LRRC18: variants seen among roughly 807,000 people sequenced by gnomAD.
LRRC18 encodes the protein leucine-rich repeat-containing protein 18.
A neutral mutation model predicts 11.2 loss-of-function variants in LRRC18; 12 were observed. The ratio of observed to expected loss-of-function variants is 1.07; its 90% CI spans 0.69 to 1.74. LRRC18 has a LOEUF of 1.74. Ranked by LOEUF, LRRC18 falls within the 40% of genes most tolerant of loss-of-function variation. The pLI is 0.00. For missense variants in LRRC18, 374 were observed against 330.5 expected (o/e 1.13, Z -1.02); for synonymous variants, 155 against 130.6 (o/e 1.19, Z -1.27).
At chr10:48,920,867 T>C in the LRRC18 span, among the ~76,000 whole-genome samples, 2 of 152,332 alleles carry the variant, frequency 1.3e-5, no homozygotes, top group African/African-American at 4.8e-5. Context: ...TTACTAGCTA[T>C]TAACAATTGG....
the LRRC18 span, among the ~76,000 whole-genome samples, chr10:48,924,425 A>C: frequency 6.6e-6 from 1 of 152,244 alleles, no homozygotes; most frequent in African/African-American, 2.4e-5. Flanking sequence ...TAAGAGTGGG[A>C]TCAACCCACA....
At chr10:48,923,611 G>A in the LRRC18 span, among the ~76,000 whole-genome samples, 2 of 151,352 alleles carry the variant, frequency 1.3e-5, no homozygotes, top group Admixed American at 1.3e-4. Flanking sequence ...CATTATTAGT[G>A]CTTACTCATG....
At chr10:48,913,869 G>T in exon 1 of LRRC18, 1 of 1,614,120 alleles carries the variant, frequency 6.2e-7, no homozygotes, top group Non-Finnish European at 8.5e-7. Context: ...GAGCAGGCTG[G>T]TCATCTGGCC....
the LRRC18 span, among the ~76,000 whole-genome samples, chr10:48,930,944 G>T: frequency 6.6e-6 from 1 of 152,112 alleles, no homozygotes; most frequent in African/African-American, 2.4e-5. Flanking sequence ...AAGAATATCA[G>T]CAACACTGCT....
At chr10:48,913,313 G>A (rs775852896) in intron 1 of LRRC18, 79 bp downstream of exon 3, 150 of 1,382,664 alleles carry the variant, frequency 1.1e-4, no homozygotes, top group Middle Eastern at 6.3e-4. Flanking sequence ...GGAGCCCTTG[G>A]TTTCCTGTGG....
At chr10:48,928,428 T>C in the LRRC18 span, among the ~76,000 whole-genome samples, 1 of 148,440 alleles carries the variant, frequency 6.7e-6, no homozygotes, top group Non-Finnish European at 1.5e-5. Context: ...GGCAGCAGCA[T>C]GGATGGGACC....
At chr10:48,926,204 A>T in the LRRC18 span, among the ~76,000 whole-genome samples, 1 of 152,192 alleles carries the variant, frequency 6.6e-6, no homozygotes, top group African/African-American at 2.4e-5. Flanking sequence ...AGGCTGAAAG[A>T]CACACCCACT....
upstream of LRRC18, among the ~76,000 whole-genome samples, chr10:48,915,809 G>A (rs1838472846): frequency 6.6e-6 from 1 of 152,130 alleles, no homozygotes; most frequent in Non-Finnish European, 1.5e-5. Flanking sequence ...CTTAGCTCTT[G>A]GCAGCATTGA....
At chr10:48,912,272 A>T (rs1049877367) in intron 1 of LRRC18, among the ~76,000 whole-genome samples, 9 of 152,254 alleles carry the variant, frequency 5.9e-5, no homozygotes, top group African/African-American at 2.2e-4. Context: ...GTTCTGGAAG[A>T]AAACTGGCTT....
chr10:48,925,409 C>A, the LRRC18 span, among the ~76,000 whole-genome samples: 6 of 152,218 alleles, frequency 3.9e-5, no homozygotes, highest in Admixed American at 6.5e-5. Flanking sequence ...CCGCTGAAAT[C>A]AGCACTAACT....
chr10:48,931,096 AACAC>A, the LRRC18 span, among the ~76,000 whole-genome samples: 75 of 150,362 alleles, frequency 5.0e-4, no homozygotes, highest in African/African-American at 1.6e-3. Context: ...CTCACACTCA[AACAC>A]ACACACACAC....
the LRRC18 span, among the ~76,000 whole-genome samples, chr10:48,938,161 A>G: frequency 6.6e-6 from 1 of 152,116 alleles, no homozygotes; most frequent in Admixed American, 6.5e-5. Flanking sequence ...TCACTAACCC[A>G]TTTTACCATG....
the LRRC18 span, among the ~76,000 whole-genome samples, chr10:48,930,803 T>C: frequency 6.6e-6 from 1 of 151,956 alleles, no homozygotes; most frequent in African/African-American, 2.4e-5. Context: ...AAAAAAATTA[T>C]TTCCCAAAAA....
the LRRC18 span, among the ~76,000 whole-genome samples, chr10:48,937,067 T>C: frequency 4.6e-5 from 7 of 151,928 alleles, no homozygotes; most frequent in Non-Finnish European, 8.8e-5. Flanking sequence ...CTAATTTTTG[T>C]ATTTTTAGTA....
chr10:48,926,124 T>G, the LRRC18 span, among the ~76,000 whole-genome samples: 1 of 152,206 alleles, frequency 6.6e-6, no homozygotes, highest in African/African-American at 2.4e-5. Context: ...AAATGCCTCA[T>G]CCTGGGGATA....
chr10:48,910,244 G>T (rs773905207), exon 2 of LRRC18: 2 of 1,609,294 alleles, frequency 1.2e-6, no homozygotes, highest in East Asian at 2.2e-5. Context: ...ACTCTAGGAA[G>T]ATGTCAAGCG....
the LRRC18 span, among the ~76,000 whole-genome samples, chr10:48,920,728 C>T: frequency 6.6e-6 from 1 of 152,118 alleles, no homozygotes; most frequent in South Asian, 2.1e-4. Context: ...TGTTCTTATG[C>T]ACAGATGTCA....
chr10:48,927,923 G>A, the LRRC18 span, among the ~76,000 whole-genome samples: 41 of 152,308 alleles, frequency 2.7e-4, no homozygotes, highest in Middle Eastern at 6.8e-3. Context: ...TAGTTTAACA[G>A]ACTAGAAATG....
the LRRC18 span, among the ~76,000 whole-genome samples, chr10:48,933,096 G>T: frequency 6.6e-6 from 1 of 152,146 alleles, no homozygotes; most frequent in African/African-American, 2.4e-5. Context: ...GGGAGTCTGT[G>T]CTGAAGGGCA....
Sources: gnomAD v4.1 joint callset for allele counts (sites outside exome capture counted in the v4.1 genomes callset) on GRCh38, gnomAD v4.1.1 for gene constraint, MANE v1.5 for transcripts, NCBI Gene and HGNC (gene_info 2026-07-23, HGNC 2026-07-21) for gene names.